The following GNA13 variants were observed in gnomAD, a reference collection of about 807,000 sequenced individuals.
GNA13 encodes G protein subunit alpha 13, also known as guanine nucleotide-binding protein subunit alpha-13.
A neutral mutation model predicts 33.5 loss-of-function variants in GNA13; 4 were observed. That is an observed-to-expected ratio of 0.12 (90% CI 0.06 to 0.27). The LOEUF (loss-of-function observed/expected upper bound fraction) is 0.27. GNA13 is among the 10% of genes least tolerant of loss of function. The pLI, the probability that GNA13 is intolerant of heterozygous loss-of-function variation, is 1.00. For synonymous variants in GNA13, 176 were observed against 183.8 expected (o/e 0.96, Z 0.34); for missense variants, 319 against 487.2 (o/e 0.65, Z 3.25).
chr17:65,056,249 G>GCCGCCGCCGC, intron 1 of GNA13, 62 bp downstream of exon 1: 1 of 774,834 alleles, frequency 1.3e-6, no homozygotes, highest in Admixed American at 2.4e-5. Context: ...GCCCCGCCCC[G>GCCGCCGCCGC]CACCCGCCGC....
Position 65,047,679 on chromosome 17 carries a change from G to A in GNA13, c.510+5823C>T, listed in dbSNP as rs1158155463. 2.6e-5 allele frequency among the ~76,000 whole-genome samples: 4 copies of A among 150,952 alleles called. No homozygotes were observed. In the South Asian group the frequency reaches 8.4e-4, roughly 32 times the overall value. On this transcript the variant is annotated intron_variant, in intron 2 of 3. Transcript: ENST00000439174. ...TCTGATTCTTTTTTTTTTTTAAGAG[G>A]GAGGGGGCTGTCCTCACTATGTTGC...
In GNA13 at chr17:65,013,542, C is replaced by A. The variant is rs914370447; in HGVS notation, c.*715G>T. Reference sequence around the variant, plus strand: ...AAGGCAAATTCTATTTCACTCGTTACGTTTGACCAAAACACGGTAAACAGC... The same window carrying A: ...AAGGCAAATTCTATTTCACTCGTTAAGTTTGACCAAAACACGGTAAACAGC... On this transcript the variant is annotated 3_prime_UTR_variant, in exon 4 of 4. Transcript: ENST00000439174. The A allele has an allele frequency of 4.6e-6, 1 of 217,218 alleles. No individual in the cohort carries two copies. Among genetic ancestry groups the A allele is most frequent in the Admixed American group, 5.8e-5 (1 of 17,184 alleles). The allele number at this position is 217,218 out of a possible 1,614,324, so 13.5% of individuals were successfully genotyped here.
rs1906445284 is a variant in GNA13 at position 65,018,132 on chromosome 17, A to AG, written c.561+120_561+121insC. The AG allele has an allele frequency of 1.3e-4, 21 of 166,242 alleles. 6 individuals are homozygous for AG. Among genetic ancestry groups the AG allele is most frequent in the Non-Finnish European group, 2.1e-4 (15 of 72,388 alleles). The allele number at this position is 166,242 out of a possible 1,614,324, so 10.3% of individuals were successfully genotyped here. On this transcript the variant is annotated intron_variant, in intron 3 of 3. Transcript: ENST00000439174. ...AAAAAAAAAAAAAAAAAAAAAAAAA[A>AG]AAAAAAAGAGAGAAAGAAGCAAATA...
chr17:65,022,333 A>C (rs1433140182), intron 2 of GNA13, among the ~76,000 whole-genome samples: 1 of 151,892 alleles, frequency 6.6e-6, no homozygotes, highest in African/African-American at 2.4e-5. Flanking sequence ...GGTGCACCAC[A>C]AACTGCAGTG....
chr17:65,031,896 AAGAGAG>A (rs1292025516), intron 2 of GNA13, among the ~76,000 whole-genome samples: 2 of 71,334 alleles, frequency 2.8e-5, no homozygotes, highest in African/African-American at 8.1e-5. Flanking sequence ...GAGAGAGAGA[AAGAGAG>A]AGAGAGAGAG....
At chr17:65,035,923 G>A (rs1437251622) in intron 2 of GNA13, among the ~76,000 whole-genome samples, 2 of 152,148 alleles carry the variant, frequency 1.3e-5, no homozygotes, top group South Asian at 2.1e-4. Flanking sequence ...GCCTATTAGA[G>A]CGCTTCATAA....
At chr17:65,032,766 C>A (rs2143798915) in intron 2 of GNA13, among the ~76,000 whole-genome samples, 1 of 151,234 alleles carries the variant, frequency 6.6e-6, no homozygotes, top group South Asian at 2.1e-4. Context: ...TTTGATATTG[C>A]CTTTTCTGCC....
At chr17:65,038,031 T>C (rs1907321004) in intron 2 of GNA13, among the ~76,000 whole-genome samples, 1 of 152,136 alleles carries the variant, frequency 6.6e-6, no homozygotes, top group Non-Finnish European at 1.5e-5. Context: ...GATCTCAACC[T>C]AGTACTTAAG....
chr17:65,039,392 C>T (rs1421214257), intron 2 of GNA13, among the ~76,000 whole-genome samples: 6 of 152,144 alleles, frequency 3.9e-5, no homozygotes, highest in Non-Finnish European at 7.3e-5. Flanking sequence ...GCTTAAAATC[C>T]TTTGGTGGCT....
rs1376843651 is a variant in GNA13, at chr17:65,030,053, T to C, written c.511-11750A>G. On this transcript the variant is annotated intron_variant, in intron 2 of 3. Coordinates refer to ENST00000439174, the MANE Select transcript of GNA13 (RefSeq NM_006572.6). ...CACTGTAGGCAGTGGTACGGGAAGA[T>C]GCTAAGACAAAATGGGAAGCTCCTA... 2.6e-5 allele frequency among the ~76,000 whole-genome samples: 4 copies of C among 152,294 alleles called. No individual in the cohort carries two copies. In the East Asian group the frequency reaches 7.7e-4, roughly 29 times the overall value.
At chr17:65,019,464 A>G (rs576625109) in intron 2 of GNA13, among the ~76,000 whole-genome samples, 2 of 152,368 alleles carry the variant, frequency 1.3e-5, no homozygotes, top group African/African-American at 4.8e-5. Flanking sequence ...TGATACACAT[A>G]CAGAATGGTG....
At chr17:65,055,127 A>G (rs1006841010) in intron 1 of GNA13, among the ~76,000 whole-genome samples, 11 of 152,094 alleles carry the variant, frequency 7.2e-5, no homozygotes, top group African/African-American at 2.7e-4. Context: ...AATCCCACTT[A>G]AAAAGACCTG....
In GNA13 at chr17:65,014,031, G is replaced by A. The variant is rs185757912; in HGVS notation, c.*226C>T. 3.9e-6 allele frequency: 2 copies of A among 510,924 alleles called. No individual in the cohort carries two copies. The highest frequency in any genetic ancestry group is 3.4e-5 in the Admixed American group (1 of 29,100). 31.6% of individuals were successfully genotyped at this position (510,924 alleles called of 1,614,324 possible). ...TTAACTGGACTTGAATAGAAGCCAT[G>A]GTGAAACAGATCAAAGCCTGCATTA... On this transcript the variant is annotated 3_prime_UTR_variant, in exon 4 of 4. Transcript: ENST00000439174. This position sits in a 1 kb window ranked among gnomAD's most constrained non-coding sequence, Gnocchi z 5.3.
In GNA13 at chr17:65,056,558, G is replaced by A. The variant is rs1046825827; in HGVS notation, c.36C>T (p.Ser12=). 3.1e-6 allele frequency: 5 copies of A among 1,610,954 alleles called. No homozygotes were observed. In the South Asian group the frequency reaches 3.3e-5, roughly 11 times the overall value. Residue 12 remains serine (S), a synonymous_variant, in exon 1 of 4, where the codon TCC becomes TCT. Coordinates refer to ENST00000439174, the MANE Select transcript of GNA13 (RefSeq NM_006572.6). ...ADFLPSRSVL[S]VCFPGCLLTS... is the part of the protein sequence containing the mutation. ...TCAGCAGGCAGCCGGGGAAGCACAC[G>A]GACAGCACGGACCGCGACGGCAGGA...
intron 2 of GNA13, among the ~76,000 whole-genome samples, chr17:65,022,532 T>C (rs573601977): frequency 2.0e-5 from 3 of 152,348 alleles, no homozygotes; most frequent in South Asian, 2.1e-4. Flanking sequence ...TTATTTATTA[T>C]GCAATGACAC....
intron 2 of GNA13, among the ~76,000 whole-genome samples, chr17:65,023,520 G>A (rs1906665042): frequency 6.6e-6 from 1 of 152,126 alleles, no homozygotes; most frequent in Admixed American, 6.5e-5. Context: ...TTAGCCTTAG[G>A]GCAGACTTGA....
chr17:65,026,442 T>C (rs918007387), intron 2 of GNA13, among the ~76,000 whole-genome samples: 3 of 152,172 alleles, frequency 2.0e-5, no homozygotes, highest in African/African-American at 7.2e-5. Flanking sequence ...GACTTTCCAT[T>C]AAAAACAAAA....
At chr17:65,028,010 G>A (rs555538926) in intron 2 of GNA13, among the ~76,000 whole-genome samples, 47 of 152,262 alleles carry the variant, frequency 3.1e-4, no homozygotes, top group Non-Finnish European at 6.0e-4. Flanking sequence ...AGGCCGAGGT[G>A]GGCGGATCAC....
In GNA13 at chr17:65,014,471, T is replaced by C; in HGVS notation, c.920A>G (p.Asp307Gly). Residue 307 changes from aspartate to glycine, a missense_variant, in exon 4 of 4, where the codon GAC becomes GGC. Asp to Gly is a moderately conservative substitution (Grantham distance 94, BLOSUM62 -1). Around this residue, in one of 4 missense-constraint regions of GNA13, gnomAD observed 134 missense variants for 241.3 expected, o/e 0.56. Coordinates refer to ENST00000439174, the MANE Select transcript of GNA13 (RefSeq NM_006572.6). This position sits in a 1 kb window ranked among gnomAD's most constrained non-coding sequence, Gnocchi z 5.3. ...ATCCCCTTCAAATTCTAGGAAATAG[T>C]CTTTGATGCTCACAATTTGCACCTT... ...EEKVQIVSIK[D>G]YFLEFEGDPH... The C allele has an allele frequency of 6.2e-7, 1 of 1,613,502 alleles. No individual in the cohort carries two copies. Among genetic ancestry groups the C allele is most frequent in the Non-Finnish European group, 8.5e-7 (1 of 1,179,412 alleles).
Sources: gnomAD v4.1 joint callset for allele counts (sites outside exome capture counted in the v4.1 genomes callset) on GRCh38, gnomAD v4.1.1 for gene constraint, gnomAD v4.1.1 regional missense constraint, Gnocchi (gnomAD v3.1) non-coding constraint, MANE v1.5 for transcripts, NCBI Gene and HGNC (gene_info 2026-07-23, HGNC 2026-07-21) for gene names.